The following RIMS2 variants were observed in gnomAD, a reference collection of about 807,000 sequenced individuals.
RIMS2 encodes regulating synaptic membrane exocytosis 2.
RIMS2 carries 59 observed loss-of-function variants against 174.4 expected under a neutral mutation model. The ratio of observed to expected loss-of-function variants is 0.34; its 90% CI spans 0.27 to 0.42. The LOEUF (loss-of-function observed/expected upper bound fraction) is 0.42. Ranked by LOEUF, RIMS2 falls within the 10% of genes least tolerant of loss-of-function variation. RIMS2 has a pLI of 1.00. For missense variants in RIMS2, 1,620 were observed against 1,666.3 expected, an observed-to-expected ratio of 0.97 and a Z score of 0.48; for synonymous variants, 606 against 572.5, an observed-to-expected ratio of 1.06 and a Z score of -0.84.
chr8:103,840,995 T>C (rs898678296), intron 3 of RIMS2, among the ~76,000 whole-genome samples: 9 of 152,174 alleles, frequency 5.9e-5, no homozygotes, highest in African/African-American at 2.2e-4. Context: ...GGCTTTGAAA[T>C]AGGCAGGAAT....
intron 2 of RIMS2, among the ~76,000 whole-genome samples, chr8:103,730,635 G>A (rs751948941): frequency 2.6e-5 from 4 of 152,174 alleles, no homozygotes; most frequent in Non-Finnish European, 5.9e-5. Context: ...AATTACATTG[G>A]TGTAATCTTT....
chr8:103,909,763 A>C lies in RIMS2; in HGVS notation c.1625-371A>C, dbSNP rs531031478. Among the ~76,000 whole-genome samples the C allele has an allele frequency of 2.3e-3, 343 of 152,168 alleles. 1 individual carries two copies. Among genetic ancestry groups the C allele is most frequent in the Non-Finnish European group, 4.5e-3 (305 of 67,956 alleles). On this transcript the variant is annotated intron_variant, in intron 4 of 23. Coordinates refer to ENST00000504942, the Ensembl canonical transcript of RIMS2. ...CAAACTCATGTCTTTAGACCAGCAC[A>C]GGAGTAAAAAAAATATATGGCATGA...
intron 15 of RIMS2, among the ~76,000 whole-genome samples, chr8:103,961,910 T>C (rs2090234926): frequency 6.6e-6 from 1 of 152,148 alleles, no homozygotes; most frequent in African/African-American, 2.4e-5. Context: ...AAAAACTCAA[T>C]GATTATTTTT....
At chr8:104,129,414 A>G (rs2098456963) in intron 19 of RIMS2, among the ~76,000 whole-genome samples, 1 of 152,250 alleles carries the variant, frequency 6.6e-6, no homozygotes, top group South Asian at 2.1e-4. Context: ...TAACAAATCA[A>G]TAAAAACATT....
chr8:103,606,692 G>A (rs2095106684), intron 1 of RIMS2, among the ~76,000 whole-genome samples: 1 of 152,090 alleles, frequency 6.6e-6, no homozygotes, highest in Non-Finnish European at 1.5e-5. Context: ...CTCCTATATT[G>A]GGTGCATATA....
chr8:103,641,588 T>A (rs895167739), intron 1 of RIMS2, among the ~76,000 whole-genome samples: 1 of 152,052 alleles, frequency 6.6e-6, no homozygotes, highest in Admixed American at 6.6e-5. Context: ...GAAAACTTGG[T>A]CCCTAGTATG....
At chr8:103,558,490 T>C (rs1203596507) in intron 1 of RIMS2, among the ~76,000 whole-genome samples, 1 of 152,152 alleles carries the variant, frequency 6.6e-6, no homozygotes, top group Non-Finnish European at 1.5e-5. Context: ...TCCCAAAGTA[T>C]TGGGATTATA....
At chr8:103,726,446 A>T (rs1356315195) in intron 2 of RIMS2, among the ~76,000 whole-genome samples, 2 of 152,040 alleles carry the variant, frequency 1.3e-5, no homozygotes, top group Non-Finnish European at 2.9e-5. Flanking sequence ...TAACCTAAGA[A>T]ATCTTTCCCT....
intron 1 of RIMS2, among the ~76,000 whole-genome samples, chr8:103,532,776 T>C (rs902472095): frequency 3.3e-5 from 5 of 152,214 alleles, no homozygotes; most frequent in African/African-American, 9.6e-5. Flanking sequence ...GCCATGAATA[T>C]AGCTGTACTA....
chr8:103,774,977 T>C (rs1592104585), intron 3 of RIMS2, among the ~76,000 whole-genome samples: 1 of 152,272 alleles, frequency 6.6e-6, no homozygotes, highest in East Asian at 1.9e-4. Flanking sequence ...ATTTTATTAG[T>C]AGTAAATGTT....
At chr8:103,598,703 A>T (rs1451191835) in intron 1 of RIMS2, among the ~76,000 whole-genome samples, 1 of 152,156 alleles carries the variant, frequency 6.6e-6, no homozygotes, top group Non-Finnish European at 1.5e-5. Flanking sequence ...TTCAGTGGCA[A>T]GTCTTGATCT....
At chr8:103,505,926 A>C (rs963282125) in intron 1 of RIMS2, among the ~76,000 whole-genome samples, 1 of 152,010 alleles carries the variant, frequency 6.6e-6, no homozygotes, top group Non-Finnish European at 1.5e-5. Context: ...CTTACATGTT[A>C]TTTGTTTTAG....
rs2095850257 is a variant in RIMS2 at position 104,014,535 on chromosome 8, C to G, written c.3254C>G (p.Thr1085Arg). The G allele has an allele frequency of 1.2e-6, 2 of 1,612,318 alleles. No individual in the cohort carries two copies. The highest frequency in any genetic ancestry group is 1.7e-6 in the Non-Finnish European group (2 of 1,178,582). The stretch of plus-strand genomic sequence containing the variant: ...CATCCTCGTACTGGGTCTGTCCAGA[C>G]AAGCCCATCAAGTACTCCAGTCGCA... Residue 1085 changes from threonine to arginine, a missense_variant, in exon 19 of 24, where the codon ACA (threonine) becomes AGA (arginine). By Grantham distance (71) the Thr-to-Arg change is moderately conservative. Around this residue, in one of 2 missense-constraint regions of RIMS2, gnomAD observed 1,395 missense variants for 1,360.1 expected, o/e 1.03. Coordinates refer to ENST00000504942, the Ensembl canonical transcript of RIMS2.
At chr8:103,725,201 CCTGG>C (rs1346647292) in intron 2 of RIMS2, among the ~76,000 whole-genome samples, 1 of 152,134 alleles carries the variant, frequency 6.6e-6, no homozygotes. Context: ...ACAAAAATTT[CCTGG>C]CTATTTTATT....
chr8:103,505,579 A>G (rs1823088334), intron 1 of RIMS2, among the ~76,000 whole-genome samples: 2 of 152,244 alleles, frequency 1.3e-5, no homozygotes, highest in African/African-American at 4.8e-5. Context: ...ATCTTCGTAC[A>G]TGCATTTCCT....
At chr8:103,719,552 A>AAATGTATAATACATTAATACATT (rs1390930328) in intron 2 of RIMS2, among the ~76,000 whole-genome samples, 3 of 152,242 alleles carry the variant, frequency 2.0e-5, no homozygotes, top group African/African-American at 7.2e-5. Flanking sequence ...TATTACATAT[A>AAATGTATAATACATTAATACATT]AATAACCTCA....
At chr8:103,774,673 A>C (rs928765810) in intron 3 of RIMS2, among the ~76,000 whole-genome samples, 6 of 152,340 alleles carry the variant, frequency 3.9e-5, no homozygotes, top group Non-Finnish European at 8.8e-5. Context: ...AGCTAGACAC[A>C]AAAGAGTACA....
chr8:103,726,645 G>C (rs1051971297), intron 2 of RIMS2, among the ~76,000 whole-genome samples: 1 of 149,818 alleles, frequency 6.7e-6, no homozygotes, highest in South Asian at 2.1e-4. Flanking sequence ...TTCAAAATTA[G>C]AATGTTTTTG....
intron 19 of RIMS2, among the ~76,000 whole-genome samples, chr8:104,182,776 C>A (rs1292534316): frequency 6.6e-6 from 1 of 151,684 alleles, no homozygotes; most frequent in Non-Finnish European, 1.5e-5. Context: ...TAGACTCTAT[C>A]GGTTTTATAG....
Sources: allele counts gnomAD v4.1 joint callset (sites outside exome capture counted in the v4.1 genomes callset), GRCh38; gene constraint gnomAD v4.1.1; regional missense constraint gnomAD v4.1.1; transcripts MANE v1.5; gene names NCBI Gene and HGNC (gene_info 2026-07-23, HGNC 2026-07-21).